PTPRD: variants seen among roughly 807,000 people sequenced by gnomAD.
PTPRD encodes protein tyrosine phosphatase receptor type D, also known as receptor-type tyrosine-protein phosphatase delta.
A neutral mutation model predicts 214.5 loss-of-function variants in PTPRD; 34 were observed. The observed-to-expected ratio is 0.16, with a 90% CI of 0.12 to 0.21. PTPRD has a LOEUF of 0.21. PTPRD is among the 10% of genes least tolerant of loss of function. PTPRD has a pLI of 1.00. For synonymous variants in PTPRD, 1,128 were observed against 845.7 expected (o/e 1.33, Z -5.79); for missense variants, 2,545 against 2,398.7 (o/e 1.06, Z -1.27).
intron 11 of PTPRD, among the ~76,000 whole-genome samples, chr9:8,878,188 A>G (rs761934815): frequency 5.9e-5 from 9 of 152,202 alleles, no homozygotes; most frequent in Non-Finnish European, 1.0e-4. Context: ...ACTGTGTCTT[A>G]GTGTTCCCAG....
chr9:8,408,587 A>C (rs946790218), intron 35 of PTPRD, among the ~76,000 whole-genome samples: 2 of 152,232 alleles, frequency 1.3e-5, no homozygotes, highest in Non-Finnish European at 2.9e-5. Flanking sequence ...GATACGAAAT[A>C]CATAAATTAT....
chr9:9,029,949 A>G (rs1475489096), intron 10 of PTPRD, among the ~76,000 whole-genome samples: 1 of 151,968 alleles, frequency 6.6e-6, no homozygotes, highest in Admixed American at 6.6e-5. Flanking sequence ...TGGTGACTCA[A>G]TGGCAATTCT....
intron 14 of PTPRD, among the ~76,000 whole-genome samples, chr9:8,600,156 G>A (rs2094752106): frequency 6.6e-6 from 1 of 152,156 alleles, no homozygotes; most frequent in Admixed American, 6.5e-5. Context: ...CTCTCACAGT[G>A]GAAAGCAGAA....
chr9:10,173,901 G>C lies in PTPRD; in HGVS notation c.-544-140111C>G, dbSNP rs546777392. On this transcript the variant is annotated intron_variant, in intron 3 of 45. Coordinates refer to ENST00000381196, the MANE Select transcript of PTPRD (RefSeq NM_002839.4). ...GTTAAATTTTAGATAGCCAAGGTTT[G>C]ACTTAGTGCTATAATAATGTTGGTC... Among the ~76,000 whole-genome samples, 6 of 152,090 alleles carry C rather than the reference G, an allele frequency of 3.9e-5. 1 individual carries two copies. The South Asian group carries it at 6.2e-4, about 16-fold the overall frequency.
intron 11 of PTPRD, among the ~76,000 whole-genome samples, chr9:8,912,667 G>T (rs954704993): frequency 1.3e-5 from 2 of 151,992 alleles, no homozygotes; most frequent in African/African-American, 4.8e-5. Context: ...TAGAGAAAAG[G>T]TTTTACTAAA....
chr9:9,079,821 G>A lies in PTPRD; in HGVS notation c.-142-61086C>T, dbSNP rs936573583. ...AATTCAGCCCATATGCTGTGGTTAT[G>A]ACAAAGGTAGATTAAGGAGAGCTAG... is the stretch of plus-strand genomic sequence containing the variant. On this transcript the variant is annotated intron_variant, in intron 10 of 45. Coordinates refer to ENST00000381196, the MANE Select transcript of PTPRD (RefSeq NM_002839.4). Among the ~76,000 whole-genome samples the A allele has an allele frequency of 4.6e-5, 7 of 152,050 alleles. No individual in the cohort carries two copies. In the East Asian group the frequency reaches 9.7e-4, roughly 21 times the overall value.
chr9:9,781,922 A>G (rs2098846881), intron 5 of PTPRD, among the ~76,000 whole-genome samples: 1 of 151,890 alleles, frequency 6.6e-6, no homozygotes, highest in African/African-American at 2.4e-5. Flanking sequence ...CCTCCCAAGT[A>G]GCTGGGACTA....
chr9:10,289,386 G>A (rs1358244633), intron 3 of PTPRD, among the ~76,000 whole-genome samples: 1 of 152,112 alleles, frequency 6.6e-6, no homozygotes, highest in Admixed American at 6.6e-5. Flanking sequence ...CTGAGGTGTT[G>A]GAGATGTGCA....
At chr9:8,901,228 A>G (rs1019095404) in intron 11 of PTPRD, among the ~76,000 whole-genome samples, 1 of 152,184 alleles carries the variant, frequency 6.6e-6, no homozygotes, top group African/African-American at 2.4e-5. Flanking sequence ...TAACATTTGC[A>G]TCTTCTGTAC....
At chr9:10,581,076 A>G (rs1175808785) in intron 2 of PTPRD, among the ~76,000 whole-genome samples, 1 of 152,164 alleles carries the variant, frequency 6.6e-6, no homozygotes, top group Non-Finnish European at 1.5e-5. Flanking sequence ...ACCTTATGCA[A>G]ATTACAAATG....
chr9:10,441,899 C>A (rs1410467946), intron 2 of PTPRD, among the ~76,000 whole-genome samples: 1 of 151,590 alleles, frequency 6.6e-6, no homozygotes, highest in Non-Finnish European at 1.5e-5. Context: ...AAATTACAAT[C>A]ATTGGCTATC....
intron 2 of PTPRD, among the ~76,000 whole-genome samples, chr9:10,504,143 A>AAAAAAAAAAAAAT: frequency 7.0e-6 from 1 of 143,352 alleles, no homozygotes; most frequent in African/African-American, 2.6e-5. Flanking sequence ...AAAAAAAAAG[A>AAAAAAAAAAAAAT]TGTACGGGGA....
chr9:8,669,892 A>G (rs2097248593), intron 12 of PTPRD, among the ~76,000 whole-genome samples: 1 of 152,182 alleles, frequency 6.6e-6, no homozygotes. Context: ...GAAGTTAATC[A>G]AATATCAAGC....
At chr9:8,554,124 G>A (rs921577930) in intron 14 of PTPRD, among the ~76,000 whole-genome samples, 9 of 152,140 alleles carry the variant, frequency 5.9e-5, no homozygotes, top group Non-Finnish European at 1.3e-4. Flanking sequence ...GGAGGCGAAG[G>A]TTGCAGTGAG....
At chr9:8,336,755 A>C (rs185956666) in intron 43 of PTPRD, among the ~76,000 whole-genome samples, 1,607 of 152,264 alleles carry the variant, frequency 0.011, 13 homozygotes, top group Non-Finnish European at 0.017. Context: ...AAACGAATTT[A>C]CAGGAAAACA....
chr9:10,398,284 T>A (rs1232403984), intron 2 of PTPRD, among the ~76,000 whole-genome samples: 2 of 151,614 alleles, frequency 1.3e-5, no homozygotes, highest in Admixed American at 1.3e-4. Flanking sequence ...GGAACCTGAA[T>A]TGGGAAAAAT....
intron 10 of PTPRD, among the ~76,000 whole-genome samples, chr9:9,130,577 T>C (rs528802699): frequency 6.6e-6 from 1 of 152,324 alleles, no homozygotes; most frequent in African/African-American, 2.4e-5. Context: ...AAAGTGTTTA[T>C]ATATTCTCTT....
intron 5 of PTPRD, among the ~76,000 whole-genome samples, chr9:9,815,456 AAATGATTT>A (rs1173602130): frequency 2.0e-5 from 3 of 152,168 alleles, no homozygotes; most frequent in Non-Finnish European, 4.4e-5. Context: ...TTGATCTGGG[AAATGATTT>A]TTTTAGATGA....
intron 3 of PTPRD, among the ~76,000 whole-genome samples, chr9:10,296,266 G>A (rs617491): frequency 0.18 from 28,083 of 151,884 alleles, 2,943 homozygotes; most frequent in Admixed American, 0.27. Context: ...AGTCACATAA[G>A]TAGTTCTTTT....
Sources: gnomAD v4.1 joint callset for allele counts (sites outside exome capture counted in the v4.1 genomes callset) on GRCh38, gnomAD v4.1.1 for gene constraint, MANE v1.5 for transcripts, NCBI Gene and HGNC (gene_info 2026-07-23, HGNC 2026-07-21) for gene names.